RARB: variants seen among roughly 807,000 people sequenced by gnomAD.
The protein encoded by RARB is retinoic acid receptor beta, also known as HBV-activated protein.
A neutral mutation model predicts 51.9 loss-of-function variants in RARB; 17 were observed. That is an observed-to-expected ratio of 0.33 (90% confidence interval 0.22 to 0.49). The LOEUF (loss-of-function observed/expected upper bound fraction) is 0.49. Ranked by LOEUF, RARB falls within the 20% of genes least tolerant of loss-of-function variation. The pLI is 0.99. For synonymous variants in RARB, 215 were observed against 195.4 expected (o/e 1.10, Z -0.84); for missense variants, 369 against 550.8 (o/e 0.67, Z 3.30).
At chr3:25,091,169 C>T (rs944284617) in intron 3 of RARB, among the ~76,000 whole-genome samples, 3 of 152,102 alleles carry the variant, frequency 2.0e-5, no homozygotes, top group Admixed American at 6.6e-5. Context: ...GGCAAGCCCA[C>T]GTCAACTGCA....
intron 1 of RARB, among the ~76,000 whole-genome samples, chr3:24,846,006 CAGG>C (rs1041639249): frequency 6.6e-6 from 1 of 152,178 alleles, no homozygotes; most frequent in Admixed American, 6.5e-5. Context: ...CCACTTACCA[CAGG>C]AGGAGCTGAG....
intron 2 of RARB, among the ~76,000 whole-genome samples, chr3:25,492,883 G>A (rs904581962): frequency 3.9e-5 from 6 of 152,098 alleles, no homozygotes; most frequent in African/African-American, 9.7e-5. Flanking sequence ...CAAGTTAGCA[G>A]GCAAGAGGTG....
chr3:25,250,380 G>A (rs1333229380), intron 5 of RARB, among the ~76,000 whole-genome samples: 1 of 152,142 alleles, frequency 6.6e-6, no homozygotes, highest in Admixed American at 6.5e-5. Flanking sequence ...TGCTTGGGTG[G>A]GGGCAGCAGT....
At chr3:25,586,782 G>A (rs374488319) in intron 5 of RARB, among the ~76,000 whole-genome samples, 225 of 152,298 alleles carry the variant, frequency 1.5e-3, no homozygotes, top group African/African-American at 5.0e-3. Flanking sequence ...CCTTCCTGGG[G>A]ACTCAGTAGA....
chr3:25,044,090 A>C (rs1280905935), intron 2 of RARB, among the ~76,000 whole-genome samples: 2 of 152,140 alleles, frequency 1.3e-5, no homozygotes, highest in African/African-American at 2.4e-5. Context: ...AAATGAATCA[A>C]CAGAAGGTAA....
intron 5 of RARB, among the ~76,000 whole-genome samples, chr3:25,371,034 G>A (rs2125471935): frequency 6.6e-6 from 1 of 152,202 alleles, no homozygotes. Flanking sequence ...ACTTGTCATT[G>A]GATTTAGGGC....
At chr3:25,135,569 T>C (rs58405464) in intron 4 of RARB, among the ~76,000 whole-genome samples, 1,917 of 152,096 alleles carry the variant, frequency 0.013, 35 homozygotes, top group African/African-American at 0.039. Flanking sequence ...GCAGGATAGG[T>C]TGAGCCACTC....
intron 5 of RARB, among the ~76,000 whole-genome samples, chr3:25,372,972 T>C (rs1374541834): frequency 1.3e-5 from 2 of 152,094 alleles, no homozygotes; most frequent in Non-Finnish European, 2.9e-5. Context: ...GAGTCAAGGT[T>C]TGTGATGTGA....
At chr3:25,485,391 G>T (rs1297988686) in intron 2 of RARB, among the ~76,000 whole-genome samples, 2 of 152,236 alleles carry the variant, frequency 1.3e-5, no homozygotes, top group African/African-American at 4.8e-5. Context: ...TTGGGTGAGT[G>T]TGCACTGGTG....
chr3:25,351,817 T>C (rs1227986377), intron 5 of RARB, among the ~76,000 whole-genome samples: 1 of 152,152 alleles, frequency 6.6e-6, no homozygotes, highest in Admixed American at 6.6e-5. Flanking sequence ...CAGCCCGGTC[T>C]GGCTGCACAA....
chr3:25,144,151 C>T (rs1700152139), intron 4 of RARB, among the ~76,000 whole-genome samples: 1 of 152,096 alleles, frequency 6.6e-6, no homozygotes, highest in East Asian at 1.9e-4. Context: ...ATAAGGTTTC[C>T]AGCCTCAAGG....
rs535634024 is a variant in RARB, at chr3:25,156,653, G to GCT, written c.-279-17462_-279-17461dup. Among the ~76,000 whole-genome samples, 179 of 151,360 alleles carry GCT rather than the reference G, an allele frequency of 1.2e-3. 1 individual carries two copies. The highest frequency in any genetic ancestry group is 1.9e-3 in the Non-Finnish European group (129 of 67,924). ...ATGTGCACAGAGTCTAAATGGAGATGCTCTCGTTCCTACAACACATTAAAA... is the reference window on the plus strand; with the variant it reads ...ATGTGCACAGAGTCTAAATGGAGATGCTCTCTCGTTCCTACAACACATTAAAA... On this transcript the variant is annotated intron_variant, in intron 4 of 11. Transcript: ENST00000383772.
intron 2 of RARB, among the ~76,000 whole-genome samples, chr3:25,038,425 A>C (rs963988050): frequency 6.6e-6 from 1 of 152,128 alleles, no homozygotes; most frequent in African/African-American, 2.4e-5. Flanking sequence ...TCTCTAACTT[A>C]AGAAAATAGA....
At chr3:24,899,394 C>A (rs113743297) in intron 2 of RARB, among the ~76,000 whole-genome samples, 2 of 152,168 alleles carry the variant, frequency 1.3e-5, no homozygotes, top group African/African-American at 4.8e-5. Context: ...TATCTCCCAG[C>A]GCTTCCAGCT....
At chr3:25,494,250 T>TCACACACACACACAC (rs1696890266) in intron 2 of RARB, among the ~76,000 whole-genome samples, 2 of 137,054 alleles carry the variant, frequency 1.5e-5, no homozygotes, top group Admixed American at 7.2e-5. Flanking sequence ...AGCTGTATCT[T>TCACACACACACACAC]ACGCACACAC....
intron 3 of RARB, among the ~76,000 whole-genome samples, chr3:25,107,643 A>C (rs1396265966): frequency 6.6e-6 from 1 of 152,156 alleles, no homozygotes. Context: ...TTTTTCCTAC[A>C]CATACATGCC....
At chr3:25,578,238 A>G (rs1056309520) in intron 4 of RARB, among the ~76,000 whole-genome samples, 4 of 152,238 alleles carry the variant, frequency 2.6e-5, no homozygotes, top group African/African-American at 9.6e-5. Context: ...TTGAAGCCTC[A>G]TGCCTATGAA....
chr3:24,871,213 T>A (rs1702941171), intron 2 of RARB, among the ~76,000 whole-genome samples: 1 of 152,184 alleles, frequency 6.6e-6, no homozygotes, highest in Non-Finnish European at 1.5e-5. Flanking sequence ...CCTTATTAGG[T>A]TAAGGAAATT....
chr3:24,879,205 G>T (rs370980924), intron 2 of RARB, among the ~76,000 whole-genome samples: 1 of 151,300 alleles, frequency 6.6e-6, no homozygotes, highest in Admixed American at 6.6e-5. Context: ...CGCGGCCGGC[G>T]GATCACGAGG....
Sources: gnomAD v4.1 joint callset for allele counts (sites outside exome capture counted in the v4.1 genomes callset) on GRCh38, gnomAD v4.1.1 for gene constraint, MANE v1.5 for transcripts, NCBI Gene and HGNC (gene_info 2026-07-23, HGNC 2026-07-21) for gene names.